NAV1: variants seen among roughly 807,000 people sequenced by gnomAD.
NAV1 encodes neuron navigator 1, also known as pore membrane and/or filament interacting like protein 3.
A neutral mutation model predicts 175.2 loss-of-function variants in NAV1; 18 were observed. The ratio of observed to expected loss-of-function variants is 0.10; its 90% CI spans 0.07 to 0.15. NAV1 has a LOEUF of 0.15. Among genes scored for constraint, NAV1 ranks in the 10% least tolerant of loss-of-function variants. The pLI is 1.00. For missense variants in NAV1, 1,731 were observed against 2,436.6 expected (o/e 0.71, Z 6.10); for synonymous variants, 897 against 978.7 (o/e 0.92, Z 1.56).
At position 201,571,422 on chromosome 1, in the gene NAV1, T is replaced by C. The variant is rs1214965784; in HGVS notation, c.-143-17117T>C. On this transcript the variant is annotated intron_variant, in intron 1 of 33. Coordinates refer to the NAV1 transcript ENST00000685211. ...CGCCTTCAGGCCAGGGTAGAAGATA[T>C]ATATTGAGCACCTTCCATGTTTGTT... Among the ~76,000 whole-genome samples the C allele has an allele frequency of 3.3e-5, 5 of 152,190 alleles. No individual in the cohort carries two copies. The East Asian group carries it at 9.6e-4, about 29-fold the overall frequency.
chr1:201,793,909 T>TGGGGGGGGGGGGGGGGGCCCC, intron 14 of NAV1, 34 bp downstream of exon 18: 9 of 516,454 alleles, frequency 1.7e-5, no homozygotes, highest in East Asian at 5.7e-5. Context: ...GAGGGGTGGG[T>TGGGGGGGGGGGGGGGGGCCCC]GCGGCGAGGG....
At chr1:201,766,348 C>T (rs1284567863) in intron 3 of NAV1, among the ~76,000 whole-genome samples, 2 of 152,192 alleles carry the variant, frequency 1.3e-5, no homozygotes, top group Non-Finnish European at 2.9e-5. Flanking sequence ...GAAGCAGACA[C>T]TGTACTCCCC....
intron 1 of NAV1, among the ~76,000 whole-genome samples, chr1:201,676,607 A>G (rs1670262504): frequency 6.6e-6 from 1 of 152,138 alleles, no homozygotes; most frequent in Non-Finnish European, 1.5e-5. Flanking sequence ...GGTTCCCGGT[A>G]GCTCCTCCAC....
chr1:201,738,481 G>A (rs58665390), intron 3 of NAV1, among the ~76,000 whole-genome samples: 4,898 of 152,192 alleles, frequency 0.032, 259 homozygotes, highest in African/African-American at 0.11. Context: ...AGTAGTAGGG[G>A]CAGAGGGGCT....
chr1:201,567,195 A>G lies in NAV1; in HGVS notation c.-143-21344A>G, dbSNP rs545435955. Among the ~76,000 whole-genome samples, 61 of 152,326 alleles carry G rather than the reference A, an allele frequency of 4.0e-4. 1 individual carries two copies. Among genetic ancestry groups the G allele is most frequent in the Admixed American group, 1.1e-3 (17 of 15,298 alleles). ...ACACCCTGTCCCTTCCTGCCTGACA[A>G]GATGGGAAAGCCATCAGCTGCAGGG... On this transcript the variant is annotated intron_variant, in intron 1 of 33. Coordinates refer to the NAV1 transcript ENST00000685211.
At chr1:201,572,112 T>A (rs1392138338) in intron 1 of NAV1, among the ~76,000 whole-genome samples, 1 of 152,304 alleles carries the variant, frequency 6.6e-6, no homozygotes, top group East Asian at 1.9e-4. Flanking sequence ...GATGAGGATG[T>A]GATCACAGAT....
intron 3 of NAV1, among the ~76,000 whole-genome samples, chr1:201,736,344 C>T (rs1673111721): frequency 6.6e-6 from 1 of 152,208 alleles, no homozygotes; most frequent in Non-Finnish European, 1.5e-5. Flanking sequence ...AACCCACAAG[C>T]AAGCAACACT....
At chr1:201,576,571 T>C (rs1666695670) in intron 1 of NAV1, among the ~76,000 whole-genome samples, 1 of 140,234 alleles carries the variant, frequency 7.1e-6, no homozygotes, top group Non-Finnish European at 1.5e-5. Context: ...CGAGACCCTC[T>C]CCAAAAAAAA....
intron 3 of NAV1, among the ~76,000 whole-genome samples, chr1:201,746,017 C>T (rs114568501): frequency 0.017 from 2,534 of 151,790 alleles, 81 homozygotes; most frequent in African/African-American, 0.057. Flanking sequence ...TTGTAGAGGC[C>T]GGGTTTTGCC....
Position 201,812,695 on chromosome 1 carries a change from G to A in NAV1, c.5221+34G>A. The A allele has an allele frequency of 6.3e-7, 1 of 1,595,974 alleles. No homozygotes were observed. Among genetic ancestry groups the A allele is most frequent in the Non-Finnish European group, 8.6e-7 (1 of 1,165,758 alleles). On this transcript the variant is annotated intron_variant, in intron 27 of 29. Coordinates refer to ENST00000367296, the Ensembl canonical transcript of NAV1. This position sits in a 1 kb window ranked among gnomAD's most constrained non-coding sequence, Gnocchi z 4.6. ...GTCCAGCTTCCCCCGGGGGTCAGGAGGTGGCTTCCCTTTTCCACTGTACCA... is the reference window on the plus strand; with the variant it reads ...GTCCAGCTTCCCCCGGGGGTCAGGAAGTGGCTTCCCTTTTCCACTGTACCA...
chr1:201,760,801 A>T (rs987078007), intron 3 of NAV1, among the ~76,000 whole-genome samples: 1 of 152,206 alleles, frequency 6.6e-6, no homozygotes, highest in Non-Finnish European at 1.5e-5. Flanking sequence ...TATCCTGAAT[A>T]GATCCTCCCA....
In NAV1 at chr1:201,678,584, C is replaced by T. The variant is rs1052786712; in HGVS notation, c.757+29159C>T. On this transcript the variant is annotated intron_variant, in intron 1 of 29. Transcript: ENST00000367296. ...ATAGTGAGTTTCCTAGTAACTTCAG[C>T]CCCTTCAGCGAAGAAGAAAGGAGTG... 5.9e-5 allele frequency among the ~76,000 whole-genome samples: 9 copies of T among 152,166 alleles called. No individual in the cohort carries two copies. In the South Asian group the frequency reaches 1.7e-3, roughly 28 times the overall value.
At chr1:201,591,124 G>A (rs144445366) in intron 2 of NAV1, among the ~76,000 whole-genome samples, 73 of 152,266 alleles carry the variant, frequency 4.8e-4, no homozygotes, top group African/African-American at 1.7e-3. Context: ...TCCCAAAGGA[G>A]GCAACACGGA....
rs745678287 is a variant in NAV1, at chr1:201,808,858, T to C, written c.4194T>C (p.Ser1398=). Residue 1398 remains serine (S), a synonymous_variant, in exon 20 of 30, where the codon AGT becomes AGC. Coordinates refer to ENST00000367296, the Ensembl canonical transcript of NAV1. The surrounding 1 kb of genome is among the most constrained non-coding windows in gnomAD (Gnocchi z 5.5). ...CACTCACCCATTCCTTCGGCCCCAG[T>C]CTTGCAGACACAGGTACCTGTGTGG... The C allele has an allele frequency of 1.2e-6, 2 of 1,612,056 alleles. No individual in the cohort carries two copies. Among genetic ancestry groups the C allele is most frequent in the Admixed American group, 1.7e-5 (1 of 59,948 alleles).
chr1:201,692,049 C>T (rs1051230512), intron 1 of NAV1, among the ~76,000 whole-genome samples: 1 of 152,148 alleles, frequency 6.6e-6, no homozygotes, highest in African/African-American at 2.4e-5. Flanking sequence ...TTCCCTTTAC[C>T]CTGCCCCATT....
intron 1 of NAV1, among the ~76,000 whole-genome samples, chr1:201,680,515 T>A (rs1159364488): frequency 6.6e-6 from 1 of 151,672 alleles, no homozygotes; most frequent in Non-Finnish European, 1.5e-5. Context: ...TCAAAAAAAA[T>A]AATAACAAAT....
intron 1 of NAV1, among the ~76,000 whole-genome samples, chr1:201,710,223 A>G (rs1370086955): frequency 6.7e-6 from 1 of 148,968 alleles, no homozygotes; most frequent in Non-Finnish European, 1.5e-5. Flanking sequence ...ACTTTTTTTC[A>G]TGGGTTTTTG....
intron 3 of NAV1, among the ~76,000 whole-genome samples, chr1:201,722,482 G>A (rs76283751): frequency 0.011 from 1,722 of 152,194 alleles, 55 homozygotes; most frequent in East Asian, 0.11. Flanking sequence ...GTAGGTATAC[G>A]CCACATTTTG....
In NAV1 at chr1:201,810,422, T is replaced by A. The variant is rs1678614148; in HGVS notation, c.4562-101T>A. 28 of 1,167,192 alleles carry A rather than the reference T, an allele frequency of 2.4e-5. No individual in the cohort carries two copies. In the Middle Eastern group the frequency reaches 6.0e-4, roughly 25 times the overall value. 72.3% of individuals were successfully genotyped at this position (1,167,192 alleles called of 1,614,324 possible). A position where few individuals can be genotyped will look rare whatever the true frequency, so the allele number is the denominator to read the frequency against. On this transcript the variant is annotated intron_variant, in intron 23 of 29. Coordinates refer to ENST00000367296, the Ensembl canonical transcript of NAV1. This position sits in a 1 kb window ranked among gnomAD's most constrained non-coding sequence, Gnocchi z 6.0. The stretch of plus-strand genomic sequence containing the variant: ...ACCATGGGGCAAGTGGCTCTGAGTT[T>A]CTTCAGGGGGCTCCTAGATAAAGAA...
Sources: gnomAD v4.1 joint callset for allele counts (sites outside exome capture counted in the v4.1 genomes callset) on GRCh38, gnomAD v4.1.1 for gene constraint, Gnocchi (gnomAD v3.1) non-coding constraint, MANE v1.5 for transcripts, NCBI Gene and HGNC (gene_info 2026-07-23, HGNC 2026-07-21) for gene names.